The following SEMA3A variants were observed in gnomAD, a reference collection of about 807,000 sequenced individuals.
SEMA3A encodes semaphorin-3A.
In SEMA3A, 29 loss-of-function variants were observed where a neutral mutation model predicts 97.9. The observed-to-expected ratio is 0.30, with a 90% CI of 0.22 to 0.40. SEMA3A has a LOEUF of 0.40. SEMA3A is among the 10% of genes least tolerant of loss of function. The probability of loss-of-function intolerance (pLI) is 1.00; values close to 1 mark genes in which losing one functional copy is unlikely to be tolerated. For missense variants in SEMA3A, 763 were observed against 951.3 expected (o/e 0.80, Z 2.60); for synonymous variants, 321 against 323.7 (o/e 0.99, Z 0.09).
At chr7:84,101,964 TTTAG>T (rs1794970774) in intron 4 of SEMA3A, among the ~76,000 whole-genome samples, 1 of 151,252 alleles carries the variant, frequency 6.6e-6, no homozygotes, top group African/African-American at 2.4e-5. Context: ...TTTGGATATA[TTTAG>T]TTAAAATAAA....
At chr7:83,990,145 G>A (rs1360727967) in intron 12 of SEMA3A, among the ~76,000 whole-genome samples, 63 of 151,570 alleles carry the variant, frequency 4.2e-4, no homozygotes, top group Admixed American at 1.1e-3. Context: ...CATGTCCTTC[G>A]CCCACTTTTT....
chr7:84,015,430 C>T (rs1479993882), intron 6 of SEMA3A, among the ~76,000 whole-genome samples: 8 of 152,206 alleles, frequency 5.3e-5, no homozygotes, highest in African/African-American at 1.7e-4. Flanking sequence ...TATTTTTGAA[C>T]GTTCCTGGGT....
intron 2 of SEMA3A, among the ~76,000 whole-genome samples, chr7:84,310,351 C>A (rs551021473): frequency 6.6e-6 from 1 of 151,782 alleles, no homozygotes; most frequent in Admixed American, 6.6e-5. Context: ...TACAAAATAA[C>A]TGATCCAACC....
intron 3 of SEMA3A, among the ~76,000 whole-genome samples, chr7:84,283,860 T>C (rs1252989823): frequency 6.6e-6 from 1 of 152,150 alleles, no homozygotes; most frequent in Admixed American, 6.6e-5. Context: ...TTTCTTTCAT[T>C]GTGTAAACAT....
intron 6 of SEMA3A, among the ~76,000 whole-genome samples, chr7:84,034,447 A>C (rs1327314356): frequency 6.6e-6 from 1 of 152,208 alleles, no homozygotes; most frequent in African/African-American, 2.4e-5. Flanking sequence ...GTTATCACTA[A>C]ATTTCAGTTT....
intron 1 of SEMA3A, among the ~76,000 whole-genome samples, chr7:84,455,368 A>G (rs1323981564): frequency 6.6e-6 from 1 of 151,982 alleles, no homozygotes; most frequent in African/African-American, 2.4e-5. Flanking sequence ...TGCATTTAAA[A>G]ACTACTTTGT....
In SEMA3A at chr7:83,961,598, G is replaced by A. The variant is rs748274620; in HGVS notation, c.2089C>T (p.Pro697Ser). Residue 697 changes from proline to serine, a missense_variant, in exon 17 of 17, where the codon CCT (proline) becomes TCT (serine). Pro to Ser is a moderately conservative substitution (Grantham distance 74). Transcript: ENST00000265362. ...TCTCTGTACCAGACCTTCTGGCTAG[G>A]TGTCATGCTATTGGACATTTCTTTG... Reference protein sequence around the residue: ...KTKEMSNSMTPSQKVWYRDFM... With the variant: ...KTKEMSNSMTSSQKVWYRDFM... 6.2e-7 allele frequency: 1 copy of A among 1,614,056 alleles called. No homozygotes were observed. The highest frequency in any genetic ancestry group is 1.7e-5 in the Admixed American group (1 of 60,000).
chr7:84,312,872 TTATATATATATATATATATATA>T (rs377261705), intron 2 of SEMA3A, among the ~76,000 whole-genome samples: 25 of 48,842 alleles, frequency 5.1e-4, no homozygotes, highest in East Asian at 1.7e-3. Flanking sequence ...TGGTGTTGTT[TTATATATATATATATATATATA>T]TATATATATA....
At chr7:84,079,974 C>G (rs897026741) in intron 4 of SEMA3A, among the ~76,000 whole-genome samples, 30 of 144,988 alleles carry the variant, frequency 2.1e-4, no homozygotes, top group African/African-American at 6.4e-4. Flanking sequence ...CAATGATAGA[C>G]TGGATTAAGA....
At chr7:84,163,818 T>C (rs1489591639) in intron 1 of SEMA3A, among the ~76,000 whole-genome samples, 9 of 151,398 alleles carry the variant, frequency 5.9e-5, no homozygotes, top group Non-Finnish European at 5.9e-5. Context: ...AATGAGAAAA[T>C]GGCAATTGAT....
intron 1 of SEMA3A, among the ~76,000 whole-genome samples, chr7:84,411,131 C>A (rs1025235109): frequency 6.6e-6 from 1 of 152,006 alleles, no homozygotes; most frequent in Admixed American, 6.6e-5. Context: ...CTAACTGTAT[C>A]TTAGAAACAT....
chr7:84,485,278 T>C (rs1317347525), intron 1 of SEMA3A, among the ~76,000 whole-genome samples: 1 of 152,156 alleles, frequency 6.6e-6, no homozygotes, highest in Non-Finnish European at 1.5e-5. Flanking sequence ...TAAAATATAC[T>C]TCCATCATTA....
At chr7:84,300,529 C>T (rs1437289943) in intron 3 of SEMA3A, among the ~76,000 whole-genome samples, 1 of 151,988 alleles carries the variant, frequency 6.6e-6, no homozygotes, top group Non-Finnish European at 1.5e-5. Flanking sequence ...AACAGCAGTA[C>T]TACACATATG....
chr7:84,099,070 T>TC lies in SEMA3A; in HGVS notation c.453+11399_453+11400insG, dbSNP rs1177560283. Among the ~76,000 whole-genome samples, 3 of 49,366 alleles carry TC rather than the reference T, an allele frequency of 6.1e-5. 1 individual carries two copies. The highest frequency in any genetic ancestry group is 1.3e-4 in the African/African-American group (3 of 23,666). 32.4% of individuals were successfully genotyped at this position (49,366 alleles called of 152,430 possible). A position where few individuals can be genotyped will look rare whatever the true frequency, so the allele number is the denominator to read the frequency against. On this transcript the variant is annotated intron_variant, in intron 4 of 16. Coordinates refer to ENST00000265362, the MANE Select transcript of SEMA3A (RefSeq NM_006080.3). ...TTAATCAGGAATTACATTTTCTTTT[T>TC]TTTTCTTTTTTTTTTTTTGAGACGG...
At chr7:84,353,188 T>G (rs1436447711) in intron 2 of SEMA3A, among the ~76,000 whole-genome samples, 1 of 151,810 alleles carries the variant, frequency 6.6e-6, no homozygotes, top group Non-Finnish European at 1.5e-5. Context: ...AAGAAAAATG[T>G]CTGTGCAAGT....
intron 3 of SEMA3A, chr7:84,306,556 C>T (rs1801160361): frequency 6.6e-6 from 1 of 152,110 alleles, no homozygotes. Flanking sequence ...GAATGGTAAA[C>T]TTAATGTTGC....
At chr7:84,423,469 A>C (rs1161488765) in intron 1 of SEMA3A, among the ~76,000 whole-genome samples, 1 of 152,088 alleles carries the variant, frequency 6.6e-6, no homozygotes, top group Admixed American at 6.6e-5. Flanking sequence ...CACGTATTTC[A>C]CTTAACCAAA....
chr7:83,961,526 A>T lies in SEMA3A; in HGVS notation c.2161T>A (p.Phe721Ile), dbSNP rs573807059. 2.5e-6 allele frequency: 4 copies of T among 1,613,906 alleles called. No individual in the cohort carries two copies. The African/African-American group carries it at 5.3e-5, about 22-fold the overall frequency. Residue 721 changes from phenylalanine to isoleucine, a missense_variant, in exon 17 of 17, where the codon TTC becomes ATC. By Grantham distance (21) the Phe-to-Ile change is conservative. Around this residue, in one of 2 missense-constraint regions of SEMA3A, gnomAD observed 678 missense variants for 881.3 expected, o/e 0.77. Transcript: ENST00000265362. The stretch of plus-strand genomic sequence containing the variant: ...TCCCTTTTCCAAACTTGTTCACAGA[A>T]CTCATCCATTGTGTTGAGATTGGGG... Reference protein sequence around the residue: ...NHPNLNTMDEFCEQVWKRDRK... With the variant: ...NHPNLNTMDEICEQVWKRDRK...
At chr7:84,438,544 T>G (rs188719777) in intron 1 of SEMA3A, among the ~76,000 whole-genome samples, 5 of 152,234 alleles carry the variant, frequency 3.3e-5, no homozygotes, top group African/African-American at 7.2e-5. Flanking sequence ...ATGTTGGGGT[T>G]AACGTGAAGC....
Sources: allele counts gnomAD v4.1 joint callset (sites outside exome capture counted in the v4.1 genomes callset), GRCh38; gene constraint gnomAD v4.1.1; regional missense constraint gnomAD v4.1.1; transcripts MANE v1.5; gene names NCBI Gene and HGNC (gene_info 2026-07-23, HGNC 2026-07-21).